Variants in CDH8 observed in about 807,000 individuals in gnomAD.
The protein encoded by CDH8 is cadherin 8, also known as cadherin-8.
CDH8 carries 17 observed loss-of-function variants against 68.1 expected under a neutral mutation model. The ratio of observed to expected loss-of-function variants is 0.25; its 90% confidence interval spans 0.17 to 0.37. The LOEUF (loss-of-function observed/expected upper bound fraction) is 0.37, where lower values mean the gene tolerates loss of function less well. Among genes scored for constraint, CDH8 ranks in the 10% least tolerant of loss-of-function variants. The pLI is 1.00. For missense variants in CDH8, 763 were observed against 999.3 expected (o/e 0.76, Z 3.19); for synonymous variants, 372 against 365.1 (o/e 1.02, Z -0.21).
chr16:62,003,802 G>T (rs952539074), intron 2 of CDH8, among the ~76,000 whole-genome samples: 1 of 152,154 alleles, frequency 6.6e-6, no homozygotes, highest in Non-Finnish European at 1.5e-5. Context: ...ATGGAATGTG[G>T]TTATCCATCA....
At chr16:61,996,214 C>T (rs903067713) in intron 2 of CDH8, among the ~76,000 whole-genome samples, 3 of 150,486 alleles carry the variant, frequency 2.0e-5, no homozygotes, top group Admixed American at 2.0e-4. Flanking sequence ...CCCTGAAGCA[C>T]AGATTAAAAA....
intron 3 of CDH8, among the ~76,000 whole-genome samples, chr16:61,857,990 A>G (rs1044739479): frequency 3.3e-5 from 5 of 151,972 alleles, no homozygotes; most frequent in South Asian, 2.1e-4. Flanking sequence ...CCAAATCTCT[A>G]TACATTTTGA....
intron 8 of CDH8, among the ~76,000 whole-genome samples, chr16:61,768,354 CTCTCTCT>C (rs1960666464): frequency 6.1e-5 from 7 of 114,044 alleles, no homozygotes; most frequent in African/African-American, 2.4e-4. Flanking sequence ...CTCTCTCTCT[CTCTCTCT>C]CTCTCTCCCT....
chr16:61,884,246 C>G (rs984285750), intron 3 of CDH8, among the ~76,000 whole-genome samples: 3 of 152,168 alleles, frequency 2.0e-5, no homozygotes, highest in African/African-American at 7.2e-5. Flanking sequence ...ATCCCTGAGA[C>G]AGCAAGACCA....
At chr16:61,912,502 G>A (rs1451614934) in intron 2 of CDH8, among the ~76,000 whole-genome samples, 1 of 152,098 alleles carries the variant, frequency 6.6e-6, no homozygotes, top group Non-Finnish European at 1.5e-5. Context: ...ATGGCTAGGT[G>A]AAGGGCTAAT....
intron 3 of CDH8, among the ~76,000 whole-genome samples, chr16:61,889,849 A>G (rs1468675728): frequency 1.3e-5 from 2 of 152,234 alleles, no homozygotes; most frequent in Admixed American, 1.3e-4. Flanking sequence ...GAGGCAAGAA[A>G]GAAAACAGGA....
chr16:61,844,094 C>A (rs1185064926), intron 4 of CDH8, among the ~76,000 whole-genome samples: 11 of 151,856 alleles, frequency 7.2e-5, no homozygotes, highest in Admixed American at 3.9e-4. Flanking sequence ...TACTATGCAG[C>A]CATAAAAAAT....
chr16:61,768,381 T>C (rs1567461232), intron 8 of CDH8, among the ~76,000 whole-genome samples: 8 of 104,000 alleles, frequency 7.7e-5, no homozygotes, highest in Non-Finnish European at 9.8e-5. Context: ...TTTCTCTCTC[T>C]CTCTCTCTCT....
At position 61,906,325 on chromosome 16, in the gene CDH8, G is replaced by A. The variant is rs74619954; in HGVS notation, c.253-4852C>T. Among the ~76,000 whole-genome samples the A allele has an allele frequency of 1.4e-4, 21 of 152,224 alleles. No homozygotes were observed. In the East Asian group the frequency reaches 3.1e-3, roughly 22 times the overall value. On this transcript the variant is annotated intron_variant, in intron 2 of 11. Coordinates refer to ENST00000577390, the MANE Select transcript of CDH8 (RefSeq NM_001796.5). ...CAAAGCTTCCTTAATTCTGATTCTC[G>A]AGGCCAGCCTAGCATCCAGGATCTG...
chr16:62,012,988 C>G (rs1170180494), intron 2 of CDH8, among the ~76,000 whole-genome samples: 1 of 28,164 alleles, frequency 3.6e-5, no homozygotes, highest in Non-Finnish European at 8.6e-5. Flanking sequence ...GGCGCGGTGG[C>G]TCACGCCTGT....
chr16:61,714,569 T>C (rs1422904918), intron 9 of CDH8, among the ~76,000 whole-genome samples: 1 of 151,598 alleles, frequency 6.6e-6, no homozygotes, highest in Admixed American at 6.6e-5. Flanking sequence ...GGGATTAGAA[T>C]TACCACGGTG....
chr16:61,996,040 A>T (rs1011524726), intron 2 of CDH8, among the ~76,000 whole-genome samples: 1 of 152,234 alleles, frequency 6.6e-6, no homozygotes, highest in Non-Finnish European at 1.5e-5. Context: ...CTTTAAAGAC[A>T]TATGTCTCCT....
At chr16:61,841,290 C>A (rs1962678227) in intron 4 of CDH8, among the ~76,000 whole-genome samples, 1 of 152,170 alleles carries the variant, frequency 6.6e-6, no homozygotes, top group Non-Finnish European at 1.5e-5. Context: ...CCAAACTGTT[C>A]TCCATAGTGG....
At chr16:61,902,844 A>C (rs1308866826) in intron 2 of CDH8, among the ~76,000 whole-genome samples, 2 of 152,176 alleles carry the variant, frequency 1.3e-5, no homozygotes, top group Admixed American at 6.5e-5. Flanking sequence ...ATATTTATTG[A>C]TTCTCAAAAT....
chr16:61,711,194 G>C (rs1240676834), intron 10 of CDH8, among the ~76,000 whole-genome samples: 1 of 151,770 alleles, frequency 6.6e-6, no homozygotes, highest in Admixed American at 6.6e-5. Flanking sequence ...ATCTCATTTT[G>C]TCTTTTATTG....
chr16:61,861,599 T>C (rs1963150984), intron 3 of CDH8, among the ~76,000 whole-genome samples: 1 of 152,210 alleles, frequency 6.6e-6, no homozygotes, highest in South Asian at 2.1e-4. Flanking sequence ...GCCTCAAAGT[T>C]TTGCGTGAGG....
chr16:61,716,323 A>G (rs2142872771), intron 9 of CDH8, among the ~76,000 whole-genome samples: 1 of 151,798 alleles, frequency 6.6e-6, no homozygotes, highest in East Asian at 1.9e-4. Flanking sequence ...ATACAATGAT[A>G]TAGCTTACCT....
At chr16:61,937,598 A>T (rs1485315771) in intron 2 of CDH8, among the ~76,000 whole-genome samples, 1 of 152,222 alleles carries the variant, frequency 6.6e-6, no homozygotes, top group East Asian at 1.9e-4. Flanking sequence ...AAATTTTCAC[A>T]GAATAAAACA....
chr16:61,775,824 C>T (rs138314520), intron 8 of CDH8, among the ~76,000 whole-genome samples: 101 of 152,048 alleles, frequency 6.6e-4, no homozygotes, highest in African/African-American at 2.3e-3. Context: ...AGAAAGAGTA[C>T]CAAAACCAGT....
Sources: allele counts gnomAD v4.1 joint callset (sites outside exome capture counted in the v4.1 genomes callset), GRCh38; gene constraint gnomAD v4.1.1; transcripts MANE v1.5; gene names NCBI Gene and HGNC (gene_info 2026-07-23, HGNC 2026-07-21).